SLCO6A1: variants seen among roughly 807,000 people sequenced by gnomAD.
The protein encoded by SLCO6A1 is solute carrier organic anion transporter family member 6A1.
A neutral mutation model predicts 72.7 loss-of-function variants in SLCO6A1; 65 were observed. The observed-to-expected ratio is 0.89, with a 90% CI of 0.73 to 1.10. The LOEUF is 1.10. Among genes scored for constraint, SLCO6A1 ranks in the 50% least tolerant of loss-of-function variants. The probability of loss-of-function intolerance (pLI) is 0.00; values close to 1 mark genes in which losing one functional copy is unlikely to be tolerated. For missense variants in SLCO6A1, 874 were observed against 872.6 expected (o/e 1.00, Z -0.02); for synonymous variants, 314 against 298.2 (o/e 1.05, Z -0.55).
intron 12 of SLCO6A1, among the ~76,000 whole-genome samples, chr5:102,375,540 T>C (rs1745735428): frequency 6.6e-6 from 1 of 152,100 alleles, no homozygotes; most frequent in African/African-American, 2.4e-5. Flanking sequence ...AAATACTATT[T>C]CCCATTAAAA....
intron 4 of SLCO6A1, among the ~76,000 whole-genome samples, chr5:102,471,131 A>T (rs971225037): frequency 3.9e-5 from 6 of 151,938 alleles, no homozygotes; most frequent in Non-Finnish European, 8.8e-5. Context: ...GTTGGTTTTT[A>T]AAAAAAGAGA....
At chr5:102,391,471 A>G (rs746475969) in intron 10 of SLCO6A1, among the ~76,000 whole-genome samples, 3 of 152,076 alleles carry the variant, frequency 2.0e-5, no homozygotes, top group Non-Finnish European at 4.4e-5. Context: ...TAAATGGACT[A>G]TATCAATGGG....
At chr5:102,375,669 G>A (rs1440038004) in intron 12 of SLCO6A1, among the ~76,000 whole-genome samples, 2 of 152,154 alleles carry the variant, frequency 1.3e-5, no homozygotes, top group East Asian at 3.9e-4. Context: ...ACCAGAAAAG[G>A]CCGACAGGGT....
At chr5:102,412,676 G>A (rs191620037) in intron 9 of SLCO6A1, among the ~76,000 whole-genome samples, 1 of 152,064 alleles carries the variant, frequency 6.6e-6, no homozygotes, top group East Asian at 1.9e-4. Flanking sequence ...TGGGAGGATG[G>A]CTTGAGCCCA....
chr5:102,393,162 C>A (rs773600622), intron 10 of SLCO6A1, among the ~76,000 whole-genome samples: 2 of 152,110 alleles, frequency 1.3e-5, no homozygotes, highest in Non-Finnish European at 2.9e-5. Context: ...CCAATAACCA[C>A]CCTTATCCCT....
chr5:102,391,278 G>GT (rs35807704), intron 10 of SLCO6A1: 241,227 of 472,250 alleles, frequency 0.51, 66,256 homozygotes, highest in Non-Finnish European at 0.57. Context: ...AAAGAAGAAG[G>GT]TTTTTATGGC....
chr5:102,490,363 G>A (rs867888750), intron 1 of SLCO6A1, among the ~76,000 whole-genome samples: 1 of 152,134 alleles, frequency 6.6e-6, no homozygotes, highest in African/African-American at 2.4e-5. Context: ...TATCCCATAT[G>A]TATGTACAAT....
chr5:102,412,951 A>C, intron 9 of SLCO6A1, 39 bp downstream of exon 9: 1 of 894,452 alleles, frequency 1.1e-6, no homozygotes, highest in Non-Finnish European at 1.5e-6. Context: ...TGAAAATATA[A>C]ATGTATAACA....
At chr5:102,390,819 A>G (rs1472899008) in intron 11 of SLCO6A1, among the ~76,000 whole-genome samples, 162 bp downstream of exon 11, 3 of 152,164 alleles carry the variant, frequency 2.0e-5, no homozygotes, top group Non-Finnish European at 4.4e-5. Flanking sequence ...TGCATTAGGT[A>G]TTCCCTCTTT....
chr5:102,416,353 A>G (rs1368084308), intron 8 of SLCO6A1, among the ~76,000 whole-genome samples: 1 of 151,986 alleles, frequency 6.6e-6, no homozygotes, highest in African/African-American at 2.4e-5. Context: ...ATAAATATTT[A>G]TATATACATA....
chr5:102,446,038 C>T (rs1466380494), intron 6 of SLCO6A1, among the ~76,000 whole-genome samples: 1 of 151,714 alleles, frequency 6.6e-6, no homozygotes, highest in Non-Finnish European at 1.5e-5. Context: ...TGCTTTGGCT[C>T]TTGAGGGTTT....
intron 8 of SLCO6A1, 147 bp from the exon 9 acceptor site, chr5:102,413,290 A>G (rs1748092445): frequency 1.5e-6 from 1 of 678,498 alleles, no homozygotes; most frequent in Non-Finnish European, 2.3e-6. Flanking sequence ...GGTACAATAG[A>G]CTGCACATAC....
intron 1 of SLCO6A1, among the ~76,000 whole-genome samples, chr5:102,493,074 A>AC (rs1752754601): frequency 1.3e-5 from 2 of 152,214 alleles, no homozygotes; most frequent in African/African-American, 2.4e-5. Flanking sequence ...ATTAAAAAAA[A>AC]TACTACACAA....
intron 4 of SLCO6A1, among the ~76,000 whole-genome samples, chr5:102,473,148 A>G (rs1751715619): frequency 6.6e-6 from 1 of 151,980 alleles, no homozygotes; most frequent in Non-Finnish European, 1.5e-5. Context: ...ATACTCTAAT[A>G]CTGAACCTAG....
intron 1 of SLCO6A1, 51 bp from the exon 2 acceptor site, chr5:102,480,485 CATT>C: frequency 6.5e-7 from 1 of 1,531,856 alleles, no homozygotes; most frequent in Non-Finnish European, 8.8e-7. Flanking sequence ...TTTAAGAGGT[CATT>C]ATGATTATTA....
chr5:102,373,312 T>G, intron 13 of SLCO6A1, 25 bp downstream of exon 13: 1 of 1,413,826 alleles, frequency 7.1e-7, no homozygotes, highest in Non-Finnish European at 9.3e-7. Flanking sequence ...ATTTCATTGA[T>G]AGATTGACAA....
intron 9 of SLCO6A1, among the ~76,000 whole-genome samples, chr5:102,404,038 A>T (rs758667247): frequency 6.6e-6 from 1 of 152,172 alleles, no homozygotes. Context: ...ACATAAACTC[A>T]TTCCTATAAC....
At position 102,490,477 on chromosome 5, in the gene SLCO6A1, T is replaced by C. The variant is rs144563436; in HGVS notation, c.358+8010A>G. On this transcript the variant is annotated intron_variant, in intron 1 of 13. Transcript: ENST00000506729. ...TAAAGAACTACTTGAGACTGGATAA[T>C]TCATAAGGAAAGGAGGTTTAATTGA... Among the ~76,000 whole-genome samples, 15 of 152,348 alleles carry C rather than the reference T, an allele frequency of 9.8e-5. No individual in the cohort carries two copies. The East Asian group carries it at 2.9e-3, about 29-fold the overall frequency.
intron 3 of SLCO6A1, among the ~76,000 whole-genome samples, chr5:102,477,222 AGCAAGTCTCCT>A (rs1751946947): frequency 6.6e-6 from 1 of 152,072 alleles, no homozygotes; most frequent in African/African-American, 2.4e-5. Context: ...CCTGGGTTTA[AGCAAGTCTCCT>A]GCCTCAGCCT....
Sources: allele counts gnomAD v4.1 joint callset (sites outside exome capture counted in the v4.1 genomes callset), GRCh38; gene constraint gnomAD v4.1.1; transcripts MANE v1.5; gene names NCBI Gene and HGNC (gene_info 2026-07-23, HGNC 2026-07-21).